Variants in MRPS25 observed in about 807,000 individuals in gnomAD.
The protein encoded by MRPS25 is small ribosomal subunit protein mS25.
In MRPS25, 15 loss-of-function variants were observed where a neutral mutation model predicts 17.3. The ratio of observed to expected loss-of-function variants is 0.87; its 90% CI spans 0.58 to 1.34. The LOEUF (loss-of-function observed/expected upper bound fraction) is 1.34. Among genes scored for constraint, MRPS25 ranks in the 40% most tolerant of loss-of-function variants. The probability of loss-of-function intolerance (pLI) is 0.00; values close to 1 mark genes in which losing one functional copy is unlikely to be tolerated. For missense variants in MRPS25, 225 were observed against 218.6 expected (o/e 1.03, Z -0.19); for synonymous variants, 94 against 83.3 (o/e 1.13, Z -0.70).
intron 2 of MRPS25, among the ~76,000 whole-genome samples, chr3:15,055,843 A>G (rs2042664003): frequency 6.6e-6 from 1 of 152,064 alleles, no homozygotes; most frequent in African/African-American, 2.4e-5. Context: ...ACAAGACATT[A>G]TCTCCAACAA....
chr3:15,061,637 C>G (rs1443866306), intron 1 of MRPS25, among the ~76,000 whole-genome samples: 2 of 152,194 alleles, frequency 1.3e-5, no homozygotes, highest in African/African-American at 4.8e-5. Flanking sequence ...CCGGCCACCA[C>G]CCCGTCTGGG....
chr3:15,043,017 A>G, downstream of MRPS25: 1 of 1,611,236 alleles, frequency 6.2e-7, no homozygotes, highest in South Asian at 1.1e-5. Flanking sequence ...AGCGCAAACC[A>G]CACACCTGCC....
chr3:15,061,351 G>A (rs372427224), intron 1 of MRPS25, among the ~76,000 whole-genome samples: 131 of 150,808 alleles, frequency 8.7e-4, no homozygotes, highest in Non-Finnish European at 1.4e-3. Flanking sequence ...CAGCGCCTGC[G>A]ATTGCAGGCG....
chr3:15,053,718 A>G, intron 2 of MRPS25: 1 of 512,506 alleles, frequency 2.0e-6, no homozygotes, highest in Non-Finnish European at 3.5e-6. Flanking sequence ...ATGGATAGAA[A>G]GACCCAATAT....
At chr3:15,058,671 TGAA>T (rs1411397179) in intron 2 of MRPS25, among the ~76,000 whole-genome samples, 1 of 152,198 alleles carries the variant, frequency 6.6e-6, no homozygotes. Context: ...TTTTGTTTCC[TGAA>T]GCATTTCCCA....
rs1413536491 is a variant in MRPS25 at position 15,051,331 on chromosome 3, G to A, written c.*1110C>T. On this transcript the variant is annotated 3_prime_UTR_variant, in exon 4 of 4. Transcript: ENST00000253686. ...CCCAAATAGCTGGGACTACAGACGCGAAACACCACACCCATCTAATTTTTG... is the reference window on the plus strand; with the variant it reads ...CCCAAATAGCTGGGACTACAGACGCAAAACACCACACCCATCTAATTTTTG... The A allele has an allele frequency of 2.7e-5, 14 of 521,472 alleles. No homozygotes were observed. The highest frequency in any genetic ancestry group is 3.4e-5 in the Non-Finnish European group (14 of 406,264). The allele number at this position is 521,472 out of a possible 1,614,324, so 32.3% of individuals were successfully genotyped here.
chr3:15,050,162 A>G lies in MRPS25; in HGVS notation c.*2279T>C. ...GATCAAGTAGCCTACAGGGAACAAA[A>G]AAAGAAAATAATGTTTATTTCCACA... On this transcript the variant is annotated 3_prime_UTR_variant, in exon 4 of 4. Transcript: ENST00000253686. 1 of 1,295,606 alleles carries G rather than the reference A, an allele frequency of 7.7e-7. No homozygotes were observed. Among genetic ancestry groups the G allele is most frequent in the Non-Finnish European group, 9.7e-7 (1 of 1,027,846 alleles). 80.3% of individuals were successfully genotyped at this position (1,295,606 alleles called of 1,614,324 possible). A position where few individuals can be genotyped will look rare whatever the true frequency, so the allele number is the denominator to read the frequency against.
chr3:15,053,881 C>T (rs1475430555), intron 2 of MRPS25, among the ~76,000 whole-genome samples: 2 of 152,254 alleles, frequency 1.3e-5, no homozygotes, highest in South Asian at 2.1e-4. Context: ...TTCTAAAAAA[C>T]GAGAAAATGG....
chr3:15,044,819 A>G (rs1016567269), downstream of MRPS25: 8 of 152,266 alleles, frequency 5.3e-5, no homozygotes, highest in Non-Finnish European at 7.3e-5. Context: ...TCAAGGCAGA[A>G]CAGGATGCTT....
chr3:15,043,236 A>G, downstream of MRPS25: 1 of 367,582 alleles, frequency 2.7e-6, no homozygotes, highest in East Asian at 4.2e-5. Context: ...CAGATTTTGG[A>G]ACAATCTTTT....
chr3:15,055,903 T>TG (rs2042665595), intron 2 of MRPS25, among the ~76,000 whole-genome samples: 1 of 57,216 alleles, frequency 1.7e-5, no homozygotes, highest in African/African-American at 1.3e-4. Flanking sequence ...AGCAGCCCGT[T>TG]TTTTTTTTTT....
chr3:15,043,961 T>G (rs1242769050), downstream of MRPS25: 3 of 152,228 alleles, frequency 2.0e-5, no homozygotes, highest in Non-Finnish European at 4.4e-5. Flanking sequence ...GTGGGCATTT[T>G]GAGCTCTTGA....
rs756293460 is a variant in MRPS25, at chr3:15,065,131, C to T, written c.64G>A (p.Val22Met). ...TLQYLSQGNV[V>M]FKDSVKVMTV... ...ATGACCTTCACGGAGTCCTTGAACA[C>T]CACGTTCCCCTGGCTCAGATATTGC... The change falls in exon 1 of 4, where the codon GTG (valine) becomes ATG (methionine). Residue 22 changes from valine (V) to methionine (M), a missense_variant. Physicochemically the swap from Val to Met is conservative, Grantham distance 21 (BLOSUM62 1). Coordinates refer to ENST00000253686, the MANE Select transcript of MRPS25 (RefSeq NM_022497.5). 1.5e-5 allele frequency: 24 copies of T among 1,609,128 alleles called. No homozygotes were observed. In the East Asian group the frequency reaches 4.3e-4, roughly 29 times the overall value.
Position 15,051,414 on chromosome 3 carries a change from G to C in MRPS25, c.*1027C>G, listed in dbSNP as rs1007925524. Reference sequence around the variant, plus strand: ...GCCCAGGCTGGTCTCGAACTCCTGGGCTCAACTATCCGCCCACATCAGCCT... The same window carrying C: ...GCCCAGGCTGGTCTCGAACTCCTGGCCTCAACTATCCGCCCACATCAGCCT... On this transcript the variant is annotated 3_prime_UTR_variant, in exon 4 of 4. Coordinates refer to ENST00000253686, the MANE Select transcript of MRPS25 (RefSeq NM_022497.5). 1 of 828,586 alleles carries C rather than the reference G, an allele frequency of 1.2e-6. No homozygotes were observed. The allele number at this position is 828,586 out of a possible 1,614,324, so 51.3% of individuals were successfully genotyped here. A position where few individuals can be genotyped will look rare whatever the true frequency, so the allele number is the denominator to read the frequency against.
chr3:15,042,477 G>A (rs1433537445), downstream of MRPS25: 2 of 177,800 alleles, frequency 1.1e-5, no homozygotes, highest in African/African-American at 4.7e-5. Flanking sequence ...AGTAAATACA[G>A]GTTTGTATTA....
chr3:15,049,927 A>C lies in MRPS25; in HGVS notation c.*2514T>G, dbSNP rs1440657996. ...TGATACAGGTTTAGATGGTGCTGCC[A>C]GGTAGTGCCTCAAAGAGAAGAAAAG... On this transcript the variant is annotated 3_prime_UTR_variant, in exon 4 of 4. Coordinates refer to ENST00000253686, the MANE Select transcript of MRPS25 (RefSeq NM_022497.5). 2 of 1,532,212 alleles carry C rather than the reference A, an allele frequency of 1.3e-6. No homozygotes were observed. Among genetic ancestry groups the C allele is most frequent in the Non-Finnish European group, 8.7e-7 (1 of 1,145,804 alleles). The allele number at this position is 1,532,212 out of a possible 1,614,324, so 94.9% of individuals were successfully genotyped here.
intron 3 of MRPS25, 132 bp downstream of exon 3, chr3:15,053,248 C>T: frequency 6.6e-7 from 1 of 1,508,082 alleles, no homozygotes; most frequent in South Asian, 1.3e-5. Flanking sequence ...TCTACAGCCC[C>T]AGCTCTTATT....
chr3:15,059,222 C>T (rs2042713262), intron 2 of MRPS25, 147 bp downstream of exon 2: 11 of 622,012 alleles, frequency 1.8e-5, no homozygotes, highest in East Asian at 5.7e-5. Context: ...CTGAGTGCCT[C>T]GGTATGGGGA....
downstream of MRPS25, chr3:15,045,017 G>T (rs1335125751): frequency 6.6e-6 from 1 of 152,228 alleles, no homozygotes; most frequent in African/African-American, 2.4e-5. Flanking sequence ...AATTTTGCCA[G>T]CTTAAAGTAA....
Sources: allele counts gnomAD v4.1 joint callset (sites outside exome capture counted in the v4.1 genomes callset), GRCh38; gene constraint gnomAD v4.1.1; transcripts MANE v1.5; gene names NCBI Gene and HGNC (gene_info 2026-07-23, HGNC 2026-07-21).